The following XIRP2 variants were observed in gnomAD, a reference collection of about 807,000 sequenced individuals.
The protein encoded by XIRP2 is xin actin binding repeat containing 2.
XIRP2 carries 236 observed loss-of-function variants against 277.0 expected under a neutral mutation model. That is an observed-to-expected ratio of 0.85 (90% confidence interval 0.77 to 0.95). The LOEUF (loss-of-function observed/expected upper bound fraction) is 0.95. Among genes scored for constraint, XIRP2 ranks in the 40% least tolerant of loss-of-function variants. The probability of loss-of-function intolerance (pLI) is 0.00; values close to 1 mark genes in which losing one functional copy is unlikely to be tolerated. For synonymous variants in XIRP2, 1,490 were observed against 1,416.5 expected (o/e 1.05, Z -1.17); for missense variants, 4,640 against 4,157.5 (o/e 1.12, Z -3.19).
At chr2:166,898,788 C>A (rs1400798978) in intron 1 of XIRP2, among the ~76,000 whole-genome samples, 1 of 152,100 alleles carries the variant, frequency 6.6e-6, no homozygotes, top group Non-Finnish European at 1.5e-5. Flanking sequence ...CACGTCCCAT[C>A]CATTCACAAT....
chr2:167,258,489 CAA>C lies in XIRP2; in HGVS notation c.*674_*675del, dbSNP rs749350193. ...GATAGGCCGAGTGAAGCTGAAGACACAAAGAGTAACAGGAAAAGTGCTATGGA... is the reference window on the plus strand; with the variant it reads ...GATAGGCCGAGTGAAGCTGAAGACACAGAGTAACAGGAAAAGTGCTATGGA... On this transcript the variant is annotated 3_prime_UTR_variant, in exon 11 of 11. Transcript: ENST00000409195. The C allele has an allele frequency of 1.9e-6, 3 of 1,613,080 alleles. No individual in the cohort carries two copies. The highest frequency in any genetic ancestry group is 2.5e-6 in the Non-Finnish European group (3 of 1,179,626).
intron 2 of XIRP2, among the ~76,000 whole-genome samples, chr2:167,099,138 G>C (rs542065059): frequency 2.6e-5 from 4 of 152,194 alleles, no homozygotes; most frequent in Non-Finnish European, 5.9e-5. Context: ...CTGTTCCAGG[G>C]AGATGGGAGG....
At chr2:166,938,450 G>T (rs1685584078) in intron 2 of XIRP2, among the ~76,000 whole-genome samples, 1 of 152,312 alleles carries the variant, frequency 6.6e-6, no homozygotes, top group South Asian at 2.1e-4. Context: ...TTGCACTGTG[G>T]TCTGAGAGAC....
intron 3 of XIRP2, among the ~76,000 whole-genome samples, chr2:167,151,842 G>A (rs1050683964): frequency 4.6e-5 from 7 of 152,038 alleles, no homozygotes; most frequent in Non-Finnish European, 1.0e-4. Flanking sequence ...GACTACTAGG[G>A]ACAAAGGAAC....
chr2:167,003,133 A>G (rs1027342051), intron 2 of XIRP2, among the ~76,000 whole-genome samples: 1 of 151,884 alleles, frequency 6.6e-6, no homozygotes, highest in African/African-American at 2.4e-5. Flanking sequence ...ACAATCAAAA[A>G]CATATGTAAT....
At chr2:166,896,109 T>C (rs1684235215) in intron 1 of XIRP2, among the ~76,000 whole-genome samples, 1 of 152,200 alleles carries the variant, frequency 6.6e-6, no homozygotes, top group Non-Finnish European at 1.5e-5. Flanking sequence ...CATAACAACA[T>C]TTCAGTTAAT....
chr2:166,888,794 T>C (rs950573166), intron 1 of XIRP2, among the ~76,000 whole-genome samples: 30 of 152,288 alleles, frequency 2.0e-4, no homozygotes, highest in African/African-American at 7.0e-4. Context: ...TAAGAAACAA[T>C]TTAATCTGGG....
intron 2 of XIRP2, among the ~76,000 whole-genome samples, chr2:167,044,427 A>G (rs976370220): frequency 6.6e-6 from 1 of 152,074 alleles, no homozygotes; most frequent in Non-Finnish European, 1.5e-5. Flanking sequence ...CACTAGAGCA[A>G]TCAGGCAAGA....
intron 2 of XIRP2, among the ~76,000 whole-genome samples, chr2:166,937,325 TTC>T (rs1685546978): frequency 6.6e-6 from 1 of 152,248 alleles, no homozygotes; most frequent in Admixed American, 6.5e-5. Flanking sequence ...CAAAGGCCTT[TTC>T]TGCATCTATT....
At chr2:166,955,510 A>G (rs1026895332) in intron 2 of XIRP2, among the ~76,000 whole-genome samples, 4 of 151,830 alleles carry the variant, frequency 2.6e-5, no homozygotes, top group African/African-American at 9.7e-5. Context: ...ATGATTGTAC[A>G]ACTTGATAAT....
At chr2:167,003,830 T>G (rs1421920037) in intron 2 of XIRP2, among the ~76,000 whole-genome samples, 3 of 151,892 alleles carry the variant, frequency 2.0e-5, no homozygotes, top group Non-Finnish European at 4.4e-5. Flanking sequence ...AAGAATCTAC[T>G]TAATCATGTA....
chr2:166,974,664 A>G (rs559868373), intron 2 of XIRP2, among the ~76,000 whole-genome samples: 3 of 152,150 alleles, frequency 2.0e-5, no homozygotes, highest in African/African-American at 7.2e-5. Context: ...AGTTAAAAGG[A>G]GTTAAAACAT....
At chr2:166,988,256 C>A (rs1251110148) in intron 2 of XIRP2, among the ~76,000 whole-genome samples, 1 of 152,062 alleles carries the variant, frequency 6.6e-6, no homozygotes, top group East Asian at 1.9e-4. Flanking sequence ...AAGAAGAAAA[C>A]CGCAGACAAA....
chr2:167,241,882 A>G lies in XIRP2; in HGVS notation c.1148A>G (p.Glu383Gly), dbSNP rs761041089. 1 of 1,613,302 alleles carries G rather than the reference A, an allele frequency of 6.2e-7. No homozygotes were observed. The highest frequency in any genetic ancestry group is 1.3e-5 in the African/African-American group (1 of 74,886). ...GAAAAGATCCTTTATTCTGACAAAG[A>G]GATGACAACCCCAGCCAAGCAGATT... ...AQEKILYSDK[E>G]MTTPAKQIKT... The change falls in exon 8 of 11, where the codon GAG (glutamate) becomes GGG (glycine). Residue 383 changes from glutamate (E) to glycine (G), a missense_variant. Physicochemically the swap from Glu to Gly is moderately conservative, Grantham distance 98. Transcript: ENST00000409195.
chr2:167,251,869 G>T lies in XIRP2; in HGVS notation c.10477G>T (p.Gly3493Cys), dbSNP rs1172781652. 1 of 1,609,586 alleles carries T rather than the reference G, an allele frequency of 6.2e-7. No homozygotes were observed. The highest frequency in any genetic ancestry group is 8.5e-7 in the Non-Finnish European group (1 of 1,178,430). ...GCAAGAGAGTGGAAGAGTTTTTAAA[G>T]GCCTGGGATATGCAACCGCAGATGC... ...TWQESGRVFK[G>C]LGYATADASA... Residue 3493 changes from glycine (G) to cysteine (C), a missense_variant, in exon 9 of 11, where the codon GGC becomes TGC. Transcript: ENST00000409195.
At chr2:166,937,896 G>A (rs1490385208) in intron 2 of XIRP2, among the ~76,000 whole-genome samples, 2 of 152,168 alleles carry the variant, frequency 1.3e-5, no homozygotes, top group Non-Finnish European at 2.9e-5. Context: ...GGTGTTTATA[G>A]TATTCTCTGA....
chr2:166,953,372 A>T (rs570698101), intron 2 of XIRP2, among the ~76,000 whole-genome samples: 1 of 151,962 alleles, frequency 6.6e-6, no homozygotes, highest in East Asian at 1.9e-4. Context: ...GTCTCACAAG[A>T]TCTGGTGGTT....
intron 2 of XIRP2, among the ~76,000 whole-genome samples, chr2:166,977,619 T>C (rs1298745043): frequency 6.6e-6 from 1 of 152,294 alleles, no homozygotes; most frequent in African/African-American, 2.4e-5. Flanking sequence ...AATGAAGAGA[T>C]TTAAACTTCT....
intron 5 of XIRP2, among the ~76,000 whole-genome samples, chr2:167,228,150 T>C (rs1694658948): frequency 6.6e-6 from 1 of 152,210 alleles, no homozygotes; most frequent in African/African-American, 2.4e-5. Context: ...GACTGTCTTC[T>C]GTGTTCTACT....
Sources: gnomAD v4.1 joint callset for allele counts (sites outside exome capture counted in the v4.1 genomes callset) on GRCh38, gnomAD v4.1.1 for gene constraint, MANE v1.5 for transcripts, NCBI Gene and HGNC (gene_info 2026-07-23, HGNC 2026-07-21) for gene names.